The following COG5 variants were observed in gnomAD, a reference collection of about 807,000 sequenced individuals.
COG5 encodes the protein component of oligomeric golgi complex 5.
Under a neutral mutation model 110.4 loss-of-function variants are expected in COG5, and 86 were observed. The ratio of observed to expected loss-of-function variants is 0.78; its 90% CI spans 0.65 to 0.93. The LOEUF (loss-of-function observed/expected upper bound fraction) is 0.93. COG5 is among the 40% of genes least tolerant of loss of function. The probability of loss-of-function intolerance (pLI) is 0.00; values close to 1 mark genes in which losing one functional copy is unlikely to be tolerated. For synonymous variants in COG5, 360 were observed against 334.6 expected (o/e 1.08, Z -0.83); for missense variants, 1,077 against 987.0 (o/e 1.09, Z -1.22).
At chr7:107,425,457 G>A (rs376577210) in intron 6 of COG5, among the ~76,000 whole-genome samples, 16 of 149,366 alleles carry the variant, frequency 1.1e-4, no homozygotes, top group African/African-American at 3.5e-4. Flanking sequence ...ACATGATACC[G>A]TAACAACTTC....
At chr7:107,498,771 C>A (rs184395390) in intron 6 of COG5, among the ~76,000 whole-genome samples, 2 of 152,072 alleles carry the variant, frequency 1.3e-5, no homozygotes, top group Non-Finnish European at 2.9e-5. Flanking sequence ...AATTACTATA[C>A]GATCCAGCAG....
At position 107,348,043 on chromosome 7, in the gene COG5, T is replaced by C. The variant is rs1350594391; in HGVS notation, c.1026+13990A>G. Among the ~76,000 whole-genome samples the C allele has an allele frequency of 2.0e-5, 3 of 147,742 alleles. No homozygotes were observed. The Admixed American group carries it at 2.1e-4, about 10-fold the overall frequency. The stretch of plus-strand genomic sequence containing the variant: ...CAGGAGGCTGAGGCAGGAGAATCGC[T>C]TGAACCTGGGAGGTGGAAGTTGCAG... On this transcript the variant is annotated intron_variant, in intron 10 of 21. Coordinates refer to ENST00000297135, the MANE Select transcript of COG5 (RefSeq NM_006348.5).
intron 6 of COG5, among the ~76,000 whole-genome samples, chr7:107,525,844 C>A (rs1800692880): frequency 6.6e-6 from 1 of 152,158 alleles, no homozygotes; most frequent in South Asian, 2.1e-4. Flanking sequence ...CTCCACCTCC[C>A]AAGTAACTGG....
chr7:107,561,370 G>A (rs1803761547), intron 1 of COG5, among the ~76,000 whole-genome samples: 1 of 152,184 alleles, frequency 6.6e-6, no homozygotes, highest in South Asian at 2.1e-4. Context: ...GGGTGGAGGG[G>A]CAACAGAGAC....
chr7:107,353,104 C>G (rs1812307444), intron 10 of COG5, among the ~76,000 whole-genome samples: 2 of 152,142 alleles, frequency 1.3e-5, no homozygotes, highest in African/African-American at 4.8e-5. Flanking sequence ...AAATGAAATA[C>G]TGCATCCATT....
chr7:107,353,723 C>T (rs1466340875), intron 10 of COG5, among the ~76,000 whole-genome samples: 2 of 152,088 alleles, frequency 1.3e-5, no homozygotes, highest in African/African-American at 4.8e-5. Context: ...GATTGTTACA[C>T]CAGATATAAT....
At chr7:107,461,110 G>C (rs1327924623) in intron 6 of COG5, among the ~76,000 whole-genome samples, 1 of 151,978 alleles carries the variant, frequency 6.6e-6, no homozygotes, top group East Asian at 1.9e-4. Flanking sequence ...GCATTGTCCT[G>C]ATTCCAAAAC....
In COG5 at chr7:107,281,341, C is replaced by T. The variant is rs764755649; in HGVS notation, c.1534G>A (p.Ala512Thr). The change falls in exon 14 of 22, where the codon GCA becomes ACA. Residue 512 changes from alanine to threonine, a missense_variant. Physicochemically the swap from Ala to Thr is moderately conservative, Grantham distance 58. Coordinates refer to ENST00000297135, the MANE Select transcript of COG5 (RefSeq NM_006348.5). ...ACACTGTATAACTGGATGGTCTTTG[C>T]CACATTTTTTGACACAGCTAATGTG... ...NLTLAVSKNV[A>T]KTIQLYSVKS... is the part of the protein sequence containing the mutation. The T allele has an allele frequency of 3.7e-6, 6 of 1,613,430 alleles. No individual in the cohort carries two copies. The highest frequency in any genetic ancestry group is 1.7e-5 in the Admixed American group (1 of 60,014).
intron 11 of COG5, among the ~76,000 whole-genome samples, chr7:107,305,261 G>C (rs1387085017): frequency 6.6e-6 from 1 of 152,116 alleles, no homozygotes; most frequent in African/African-American, 2.4e-5. Flanking sequence ...GGAGGATTTG[G>C]CCTGAAACAG....
chr7:107,529,024 T>A (rs73724524), intron 5 of COG5, among the ~76,000 whole-genome samples: 744 of 97,178 alleles, frequency 7.7e-3, no homozygotes, highest in Middle Eastern at 0.02. Flanking sequence ...AATACTTAAA[T>A]AAAAAAAAAA....
intron 12 of COG5, among the ~76,000 whole-genome samples, chr7:107,293,704 T>G (rs553525610): frequency 6.9e-4 from 105 of 152,244 alleles, no homozygotes; most frequent in African/African-American, 2.5e-3. Flanking sequence ...GTACCTTTCT[T>G]GGGCCAAGGC....
chr7:107,306,192 T>A (rs923693402), intron 11 of COG5, among the ~76,000 whole-genome samples: 1 of 152,070 alleles, frequency 6.6e-6, no homozygotes, highest in African/African-American at 2.4e-5. Context: ...ACATAAAAAA[T>A]ATAATTGTCT....
At chr7:107,294,837 T>G (rs1735601731) in intron 12 of COG5, among the ~76,000 whole-genome samples, 1 of 139,986 alleles carries the variant, frequency 7.1e-6, no homozygotes, top group Admixed American at 7.2e-5. Flanking sequence ...TGCCTCAGCC[T>G]TCTGAGTAGC....
chr7:107,349,804 C>T (rs1183780096), intron 10 of COG5, among the ~76,000 whole-genome samples: 4 of 152,102 alleles, frequency 2.6e-5, no homozygotes, highest in East Asian at 1.9e-4. Flanking sequence ...GTGATCTGCC[C>T]GCCTTAGCCT....
At chr7:107,354,180 A>T (rs1325357861) in intron 10 of COG5, among the ~76,000 whole-genome samples, 1 of 152,240 alleles carries the variant, frequency 6.6e-6, no homozygotes, top group Admixed American at 6.5e-5. Context: ...GATTTGATAC[A>T]TTCAGAGGAA....
At chr7:107,334,994 T>A (rs919903813) in intron 10 of COG5, among the ~76,000 whole-genome samples, 10 of 152,344 alleles carry the variant, frequency 6.6e-5, no homozygotes, top group South Asian at 4.1e-4. Flanking sequence ...AAGATTGACA[T>A]GTTTTATATT....
In COG5 at chr7:107,450,550, A is replaced by G. The variant is rs548355682; in HGVS notation, c.539-37918T>C. Among the ~76,000 whole-genome samples the G allele has an allele frequency of 5.9e-5, 9 of 152,340 alleles. 2 individuals carry two copies. The highest frequency in any genetic ancestry group is 1.9e-4 in the African/African-American group (8 of 41,570). On this transcript the variant is annotated intron_variant, in intron 6 of 21. Transcript: ENST00000297135. Reference sequence around the variant, plus strand: ...GCCTGAACAGGTTTTTAATGTGGACAAAAGTACCCTATTCTGGAAAAACAT... The same window carrying G: ...GCCTGAACAGGTTTTTAATGTGGACGAAAGTACCCTATTCTGGAAAAACAT...
At chr7:107,378,176 G>A (rs935506774) in intron 7 of COG5, among the ~76,000 whole-genome samples, 1 of 152,122 alleles carries the variant, frequency 6.6e-6, no homozygotes, top group Non-Finnish European at 1.5e-5. Context: ...TGCAGCAGAG[G>A]GGTCTGACCG....
rs1806942693 is a variant in COG5 at position 107,298,289 on chromosome 7, T to C, written c.1166A>G (p.Tyr389Cys). The C allele has an allele frequency of 1.2e-6, 2 of 1,613,702 alleles. No individual in the cohort carries two copies. Among genetic ancestry groups the C allele is most frequent in the African/African-American group, 2.7e-5 (2 of 75,032 alleles). The change falls in exon 12 of 22, where the codon TAT (tyrosine) becomes TGT (cysteine). Residue 389 changes from tyrosine (Y) to cysteine (C), a missense_variant. Coordinates refer to ENST00000297135, the MANE Select transcript of COG5 (RefSeq NM_006348.5). ...EGEYPKLLRL[Y>C]NDLWKRLQQY... ...TTGAAGACGCTTCCATAAGTCATTA[T>C]AAAGACGTAATAATTTAGGGTATTC... is the stretch of plus-strand genomic sequence containing the variant.
Sources: gnomAD v4.1 joint callset for allele counts (sites outside exome capture counted in the v4.1 genomes callset) on GRCh38, gnomAD v4.1.1 for gene constraint, MANE v1.5 for transcripts, NCBI Gene and HGNC (gene_info 2026-07-23, HGNC 2026-07-21) for gene names.